Variants in GNB2 observed in about 807,000 individuals in gnomAD.
The protein encoded by GNB2 is guanine nucleotide-binding protein G(I)/G(S)/G(T) subunit beta-2.
A neutral mutation model predicts 40.7 loss-of-function variants in GNB2; 7 were observed. The observed-to-expected ratio is 0.17, with a 90% CI of 0.10 to 0.32. The LOEUF (loss-of-function observed/expected upper bound fraction) is 0.32. GNB2 is among the 10% of genes least tolerant of loss of function. GNB2 has a pLI of 1.00. For synonymous variants in GNB2, 254 were observed against 191.2 expected, an observed-to-expected ratio of 1.33 and a Z score of -2.71; for missense variants, 286 against 473.0, an observed-to-expected ratio of 0.60 and a Z score of 3.67.
chr7:100,677,752 G>C lies in GNB2; in HGVS notation c.431G>C (p.Gly144Ala). 1 of 1,613,832 alleles carries C rather than the reference G, an allele frequency of 6.2e-7. No homozygotes were observed. The highest frequency in any genetic ancestry group is 8.5e-7 in the Non-Finnish European group (1 of 1,179,986). Reference protein sequence around the residue: ...RVSRELPGHTGYLSCCRFLDD... With the variant: ...RVSRELPGHTAYLSCCRFLDD... ...CCTGGCTGACCAGCTCCTTCCCCAG[G>C]GTACCTGTCGTGTTGCCGCTTCCTG... The change falls in exon 7 of 10, where the codon GGG becomes GCG. Residue 144 changes from glycine to alanine, a missense_variant and splice_region_variant. Coordinates refer to ENST00000303210, the MANE Select transcript of GNB2 (RefSeq NM_005273.4).
chr7:100,673,802 A>T lies in GNB2; in HGVS notation c.-211A>T, dbSNP rs1584477479. The T allele has an allele frequency of 5.5e-6, 1 of 180,186 alleles. No homozygotes were observed. Among genetic ancestry groups the T allele is most frequent in the South Asian group, 1.6e-4 (1 of 6,274 alleles). 11.2% of individuals were successfully genotyped at this position (180,186 alleles called of 1,614,324 possible). ...GCTGGCGGCGGGGCTGGGGCCACTG[A>T]GGAAATCCATCCGCGCCGCCGCCGC... is the stretch of plus-strand genomic sequence containing the variant. On this transcript the variant is annotated 5_prime_UTR_variant, in exon 1 of 10. Coordinates refer to ENST00000303210, the MANE Select transcript of GNB2 (RefSeq NM_005273.4).
rs1378799098 is a variant in GNB2 at position 100,676,274 on chromosome 7, G to A, written c.9G>A (p.Glu3=). 6.2e-6 allele frequency: 10 copies of A among 1,606,390 alleles called. 1 individual carries two copies. In the East Asian group the frequency reaches 6.7e-5, roughly 11 times the overall value. The change falls in exon 2 of 10, where the codon GAG becomes GAA. Residue 3 remains glutamate (E), a synonymous_variant. Coordinates refer to ENST00000303210, the MANE Select transcript of GNB2 (RefSeq NM_005273.4). ...CCCACGGGCCCGGCGCCATGAGTGA[G>A]CTGGAGCAACTGAGACAGGAGGCCG... The part of the protein sequence containing the change: MS[E]LEQLRQEAEQ...
chr7:100,678,340 G>A (rs1269974593), intron 8 of GNB2, 41 bp downstream of exon 8: 1 of 1,604,428 alleles, frequency 6.2e-7, no homozygotes, highest in African/African-American at 1.3e-5. Context: ...TCCCCACCAG[G>A]CTCCCGGCCC....
rs371447650 is a variant in GNB2 at position 100,678,269 on chromosome 7, C to T, written c.669C>T (p.Ile223=). The stretch of plus-strand genomic sequence containing the variant: ...ATTCCATGTGCCGACAGACCTTCAT[C>T]GGCCATGAATCCGACATCAATGCAG... ...VRDSMCRQTF[I]GHESDINAVA... is the part of the protein sequence containing the mutation. The change falls in exon 8 of 10, where the codon ATC becomes ATT. Residue 223 remains isoleucine (I), a synonymous_variant. Transcript: ENST00000303210. 97 of 1,613,744 alleles carry T rather than the reference C, an allele frequency of 6.0e-5. No homozygotes were observed. Among genetic ancestry groups the T allele is most frequent in the Middle Eastern group, 1.6e-4 (1 of 6,084 alleles).
chr7:100,678,267 A>C lies in GNB2; in HGVS notation c.667A>C (p.Ile223Leu). 1 of 1,613,844 alleles carries C rather than the reference A, an allele frequency of 6.2e-7. No homozygotes were observed. Among genetic ancestry groups the C allele is most frequent in the Non-Finnish European group, 8.5e-7 (1 of 1,179,926 alleles). Residue 223 changes from isoleucine (I) to leucine (L), a missense_variant, in exon 8 of 10, where the codon ATC (isoleucine) becomes CTC (leucine). Coordinates refer to ENST00000303210, the MANE Select transcript of GNB2 (RefSeq NM_005273.4). ...VRDSMCRQTFIGHESDINAVA... is the reference protein window; with the variant it reads ...VRDSMCRQTFLGHESDINAVA... ...GGATTCCATGTGCCGACAGACCTTC[A>C]TCGGCCATGAATCCGACATCAATGC...
At chr7:100,678,034 G>A in intron 7 of GNB2, 64 bp from the exon 8 acceptor site, 1 of 1,353,634 alleles carries the variant, frequency 7.4e-7, no homozygotes, top group Non-Finnish European at 1.1e-6. Flanking sequence ...GTGGGGCGGG[G>A]AGAACAGGGA....
Position 100,678,719 on chromosome 7 carries a change from G to C in GNB2, c.941G>C (p.Arg314Pro). The change falls in exon 10 of 10, where the codon CGC becomes CCC. Residue 314 changes from arginine (R) to proline (P), a missense_variant. Transcript: ENST00000303210. ...GGAGTCCTCGCTGGCCACGACAACC[G>C]CGTGAGCTGCCTCGGGGTCACCGAC... ...RAGVLAGHDN[R>P]VSCLGVTDDG... 1 of 1,613,668 alleles carries C rather than the reference G, an allele frequency of 6.2e-7. No individual in the cohort carries two copies. Among genetic ancestry groups the C allele is most frequent in the Non-Finnish European group, 8.5e-7 (1 of 1,179,934 alleles).
chr7:100,677,457 C>T (rs755572881), intron 5 of GNB2, 41 bp from the exon 6 acceptor site: 1 of 1,612,990 alleles, frequency 6.2e-7, no homozygotes, highest in African/African-American at 1.3e-5. Context: ...GGCCACAGGG[C>T]CCTGGCTGGC....
Position 100,678,546 on chromosome 7 carries a change from G to A in GNB2, c.848G>A (p.Arg283Gln). 3 of 1,613,916 alleles carry A rather than the reference G, an allele frequency of 1.9e-6. No homozygotes were observed. Among genetic ancestry groups the A allele is most frequent in the Non-Finnish European group, 2.5e-6 (3 of 1,180,018 alleles). ...ITSVAFSRSG[R>Q]LLLAGYDDFN... is the part of the protein sequence containing the mutation. ...TCTGTTGCCTTCTCGCGCAGCGGACGGCTGCTGCTCGCTGGCTACGACGAC... is the reference window on the plus strand; with the variant it reads ...TCTGTTGCCTTCTCGCGCAGCGGACAGCTGCTGCTCGCTGGCTACGACGAC... Residue 283 changes from arginine (R) to glutamine (Q), a missense_variant, in exon 9 of 10, where the codon CGG (arginine) becomes CAG (glutamine). Coordinates refer to ENST00000303210, the MANE Select transcript of GNB2 (RefSeq NM_005273.4).
rs938714830 is a variant in GNB2 at position 100,678,594 on chromosome 7, C to T, written c.896C>T (p.Ala299Val). Residue 299 changes from alanine (A) to valine (V), a missense_variant, in exon 9 of 10, where the codon GCC (alanine) becomes GTC (valine). By Grantham distance (64) the Ala-to-Val change is moderately conservative (BLOSUM62 0). Coordinates refer to ENST00000303210, the MANE Select transcript of GNB2 (RefSeq NM_005273.4). ...YDDFNCNIWD[A>V]MKGDRAGVLA... ...GACTTCAACTGCAACATCTGGGATG[C>T]CATGAAGGGCGACCGTGCAGGTGAC... is the stretch of plus-strand genomic sequence containing the variant. 1.2e-6 allele frequency: 2 copies of T among 1,613,582 alleles called. No individual in the cohort carries two copies. Among genetic ancestry groups the T allele is most frequent in the South Asian group, 1.1e-5 (1 of 91,092 alleles).
At chr7:100,677,970 CTA>C in intron 7 of GNB2, 126 bp from the exon 8 acceptor site, 1 of 1,022,792 alleles carries the variant, frequency 9.8e-7, no homozygotes, top group Non-Finnish European at 1.5e-6. Context: ...CCCTCCCCAC[CTA>C]AGGCTCTGAG....
In GNB2 at chr7:100,678,515, A is replaced by G; in HGVS notation, c.817A>G (p.Ile273Val). ...CTCCCATGACAACATCATCTGTGGC[A>G]TCACCTCTGTTGCCTTCTCGCGCAG... is the stretch of plus-strand genomic sequence containing the variant. The part of the protein sequence containing the change: ...MYSHDNIICG[I>V]TSVAFSRSGR... Residue 273 changes from isoleucine to valine, a missense_variant, in exon 9 of 10, where the codon ATC becomes GTC. Physicochemically the swap from Ile to Val is conservative, Grantham distance 29 (BLOSUM62 3). Transcript: ENST00000303210. 1.2e-6 allele frequency: 2 copies of G among 1,613,910 alleles called. No homozygotes were observed. Among genetic ancestry groups the G allele is most frequent in the Non-Finnish European group, 1.7e-6 (2 of 1,179,998 alleles).
At chr7:100,677,329 C>T (rs765772351) in intron 4 of GNB2, 23 bp from the exon 5 acceptor site, 18 of 1,605,664 alleles carry the variant, frequency 1.1e-5, no homozygotes, top group Middle Eastern at 1.6e-4. Context: ...CCCTTCTGCT[C>T]TCCCTACACC....
chr7:100,677,737 C>T lies in GNB2; in HGVS notation c.431-15C>T. On this transcript the variant is annotated splice_polypyrimidine_tract_variant and intron_variant, in intron 6 of 9. Coordinates refer to ENST00000303210, the MANE Select transcript of GNB2 (RefSeq NM_005273.4). ...CCCTCCGTGTGGAGACCTGGCTGAC[C>T]AGCTCCTTCCCCAGGGTACCTGTCG... 1 of 1,613,634 alleles carries T rather than the reference C, an allele frequency of 6.2e-7. No individual in the cohort carries two copies. Among genetic ancestry groups the T allele is most frequent in the South Asian group, 1.1e-5 (1 of 91,082 alleles).
Position 100,676,254 on chromosome 7 carries a change from G to A in GNB2, c.-12G>A, listed in dbSNP as rs1293689301. On this transcript the variant is annotated 5_prime_UTR_variant, in exon 2 of 10. Coordinates refer to ENST00000303210, the MANE Select transcript of GNB2 (RefSeq NM_005273.4). Reference sequence around the variant, plus strand: ...CCAGCCGCCCCCAACCCTGCCCCACGGGCCCGGCGCCATGAGTGAGCTGGA... The same window carrying A: ...CCAGCCGCCCCCAACCCTGCCCCACAGGCCCGGCGCCATGAGTGAGCTGGA... The A allele has an allele frequency of 3.9e-5, 61 of 1,582,760 alleles. No homozygotes were observed. The highest frequency in any genetic ancestry group is 5.0e-5 in the Non-Finnish European group (58 of 1,162,968).
chr7:100,676,384 T>A lies in GNB2; in HGVS notation c.57+62T>A, dbSNP rs149353710. The A allele has an allele frequency of 1.7e-3, 2,384 of 1,383,046 alleles. 25 individuals carry two copies. The African/African-American group carries it at 0.029, about 17-fold the overall frequency. The allele number at this position is 1,383,046 out of a possible 1,614,324, so 85.7% of individuals were successfully genotyped here. On this transcript the variant is annotated intron_variant, in intron 2 of 9. Coordinates refer to ENST00000303210, the MANE Select transcript of GNB2 (RefSeq NM_005273.4). The stretch of plus-strand genomic sequence containing the variant: ...CACCGCCCGGTGCCCTGGACCGGGT[T>A]GGGTGAGGGTGTTGGTGGGGGAAGG...
In GNB2 at chr7:100,678,486, T is replaced by C. The variant is rs746067913; in HGVS notation, c.788T>C (p.Met263Thr). 2.0e-5 allele frequency: 33 copies of C among 1,613,716 alleles called. No individual in the cohort carries two copies. The Admixed American group carries it at 3.3e-4, about 16-fold the overall frequency. The stretch of plus-strand genomic sequence containing the variant: ...CTGCGGGCCGATCAGGAGCTCCTCA[T>C]GTACTCCCATGACAACATCATCTGT... ...FDLRADQELL[M>T]YSHDNIICGI... The change falls in exon 9 of 10, where the codon ATG (methionine) becomes ACG (threonine). Residue 263 changes from methionine (M) to threonine (T), a missense_variant. Physicochemically the swap from Met to Thr is moderately conservative, Grantham distance 81. Transcript: ENST00000303210.
chr7:100,675,046 C>T (rs1486451144), intron 1 of GNB2, among the ~76,000 whole-genome samples: 2 of 151,860 alleles, frequency 1.3e-5, no homozygotes, highest in African/African-American at 4.8e-5. Flanking sequence ...TGGGGGACGC[C>T]TGGGCCGGCC....
At chr7:100,676,059 C>G (rs1024989887) in intron 1 of GNB2, 118 bp from the exon 2 acceptor site, 11 of 500,592 alleles carry the variant, frequency 2.2e-5, no homozygotes, top group Non-Finnish European at 3.5e-5. Context: ...CCGGGGACGG[C>G]GGCCGCGCCG....
Sources: allele counts gnomAD v4.1 joint callset (sites outside exome capture counted in the v4.1 genomes callset), GRCh38; gene constraint gnomAD v4.1.1; transcripts MANE v1.5; gene names NCBI Gene and HGNC (gene_info 2026-07-23, HGNC 2026-07-21).